EDIL3: variants seen among roughly 807,000 people sequenced by gnomAD.
The protein encoded by EDIL3 is EGF-like repeat and discoidin I-like domain-containing protein 3.
Under a neutral mutation model 67.4 loss-of-function variants are expected in EDIL3, and 37 were observed. The observed-to-expected ratio is 0.55, with a 90% CI of 0.42 to 0.72. The LOEUF is 0.72. EDIL3 is among the 30% of genes least tolerant of loss of function. EDIL3 has a pLI of 0.00. For synonymous variants in EDIL3, 195 were observed against 196.3 expected (o/e 0.99, Z 0.05); for missense variants, 527 against 586.3 (o/e 0.90, Z 1.04).
intron 3 of EDIL3, among the ~76,000 whole-genome samples, chr5:84,189,723 A>G (rs928992920): frequency 2.6e-5 from 4 of 152,020 alleles, no homozygotes; most frequent in African/African-American, 7.2e-5. Flanking sequence ...AGAGAACTCT[A>G]TATCAATACT....
chr5:84,040,611 A>G (rs1746103328), intron 9 of EDIL3, among the ~76,000 whole-genome samples: 1 of 151,726 alleles, frequency 6.6e-6, no homozygotes, highest in East Asian at 1.9e-4. Context: ...CTATATATGG[A>G]TGTTTAATAC....
At chr5:84,079,046 A>C (rs900463711) in intron 6 of EDIL3, among the ~76,000 whole-genome samples, 2 of 152,146 alleles carry the variant, frequency 1.3e-5, no homozygotes, top group Admixed American at 1.3e-4. Flanking sequence ...TGATTTCATC[A>C]ATCAGGCCTA....
intron 3 of EDIL3, among the ~76,000 whole-genome samples, chr5:84,208,401 C>G (rs1034965804): frequency 6.6e-6 from 1 of 151,962 alleles, no homozygotes; most frequent in Non-Finnish European, 1.5e-5. Context: ...GGAAACAGGC[C>G]AGGCGCGGTG....
intron 9 of EDIL3, among the ~76,000 whole-genome samples, chr5:84,041,135 TA>T (rs36023168): frequency 0.38 from 54,611 of 143,654 alleles, 11,216 homozygotes; most frequent in African/African-American, 0.58. Flanking sequence ...TGTCTCAAAA[TA>T]AAAAAAAAAA....
intron 2 of EDIL3, 88 bp from the exon 3 acceptor site, chr5:84,229,972 T>C (rs1452168862): frequency 2.5e-6 from 3 of 1,204,838 alleles, no homozygotes; most frequent in Non-Finnish European, 3.6e-6. Flanking sequence ...GAAAAAGAGA[T>C]ATTGAGATTG....
chr5:83,954,847 T>C (rs923879148), intron 10 of EDIL3, among the ~76,000 whole-genome samples: 1 of 151,826 alleles, frequency 6.6e-6, no homozygotes, highest in African/African-American at 2.4e-5. Context: ...GTTTTTTCTA[T>C]TCAAAATGCT....
At chr5:84,296,953 C>G (rs777248071) in intron 1 of EDIL3, among the ~76,000 whole-genome samples, 1 of 152,036 alleles carries the variant, frequency 6.6e-6, no homozygotes, top group South Asian at 2.1e-4. Flanking sequence ...GAGGCTGAGA[C>G]GGGCGGATCA....
chr5:84,168,871 CA>C (rs1162476164), intron 4 of EDIL3, among the ~76,000 whole-genome samples: 2 of 152,116 alleles, frequency 1.3e-5, no homozygotes, highest in Non-Finnish European at 2.9e-5. Context: ...GTCCACCTTC[CA>C]AAAGTGTGCT....
chr5:84,151,219 TA>T (rs1424810330), intron 4 of EDIL3, among the ~76,000 whole-genome samples: 2 of 151,780 alleles, frequency 1.3e-5, no homozygotes, highest in Non-Finnish European at 2.9e-5. Context: ...ATAATCCACA[TA>T]TTTTTTGTCT....
At chr5:83,964,615 C>A (rs1744659524) in intron 9 of EDIL3, among the ~76,000 whole-genome samples, 2 of 151,890 alleles carry the variant, frequency 1.3e-5, no homozygotes, top group Admixed American at 1.3e-4. Flanking sequence ...ACACAGATGC[C>A]CATCAGCAAA....
chr5:84,022,445 G>A (rs1745734555), intron 9 of EDIL3, among the ~76,000 whole-genome samples: 1 of 151,868 alleles, frequency 6.6e-6, no homozygotes, highest in African/African-American at 2.4e-5. Flanking sequence ...ATATGATTAA[G>A]CCACAGCTAC....
chr5:84,134,975 T>C (rs1015970348), intron 5 of EDIL3, among the ~76,000 whole-genome samples: 6 of 152,272 alleles, frequency 3.9e-5, no homozygotes, highest in African/African-American at 1.4e-4. Flanking sequence ...AAACACAACA[T>C]GAAAAACTGG....
chr5:84,063,021 A>G (rs1437993712), intron 8 of EDIL3, among the ~76,000 whole-genome samples: 1 of 152,146 alleles, frequency 6.6e-6, no homozygotes, highest in East Asian at 1.9e-4. Context: ...GTTCAAAATC[A>G]ATTTGCTGTG....
At chr5:84,317,928 C>CA (rs1249912232) in intron 1 of EDIL3, among the ~76,000 whole-genome samples, 167 of 152,212 alleles carry the variant, frequency 1.1e-3, no homozygotes, top group African/African-American at 3.7e-3. Context: ...CGTCTCAGCC[C>CA]AAAATCTCCT....
At position 84,081,898 on chromosome 5, in the gene EDIL3, A is replaced by G. The variant is rs187905529; in HGVS notation, c.652-15292T>C. ...GGACAAGAATCTCACCACAGGGTCCATATGAATGCTCTCCTTGGCATTTGC... is the reference window on the plus strand; with the variant it reads ...GGACAAGAATCTCACCACAGGGTCCGTATGAATGCTCTCCTTGGCATTTGC... On this transcript the variant is annotated intron_variant, in intron 6 of 10. Coordinates refer to ENST00000296591, the MANE Select transcript of EDIL3 (RefSeq NM_005711.5). Among the ~76,000 whole-genome samples the G allele has an allele frequency of 1.3e-3, 196 of 152,352 alleles. 1 individual carries two copies. Among genetic ancestry groups the G allele is most frequent in the Non-Finnish European group, 1.8e-4 (12 of 68,034 alleles).
At chr5:84,061,412 T>C (rs563751382) in intron 8 of EDIL3, among the ~76,000 whole-genome samples, 4 of 152,144 alleles carry the variant, frequency 2.6e-5, no homozygotes, top group Admixed American at 6.6e-5. Context: ...ATTTTTGTAA[T>C]AGAAAGCATG....
At chr5:84,103,664 T>C (rs1747408045) in intron 6 of EDIL3, among the ~76,000 whole-genome samples, 1 of 151,980 alleles carries the variant, frequency 6.6e-6, no homozygotes, top group African/African-American at 2.4e-5. Flanking sequence ...AAACCACAAT[T>C]AGATACCATC....
intron 6 of EDIL3, among the ~76,000 whole-genome samples, chr5:84,089,284 A>G (rs1326512562): frequency 6.6e-6 from 1 of 152,228 alleles, no homozygotes; most frequent in African/African-American, 2.4e-5. Flanking sequence ...TTTCCAACTC[A>G]ATGCTATACA....
chr5:83,987,503 T>A (rs1002707126), intron 9 of EDIL3, among the ~76,000 whole-genome samples: 8 of 152,140 alleles, frequency 5.3e-5, no homozygotes, highest in Admixed American at 3.9e-4. Flanking sequence ...TAGCCAATTT[T>A]TCACCAGCAG....
Sources: gnomAD v4.1 joint callset for allele counts (sites outside exome capture counted in the v4.1 genomes callset) on GRCh38, gnomAD v4.1.1 for gene constraint, MANE v1.5 for transcripts, NCBI Gene and HGNC (gene_info 2026-07-23, HGNC 2026-07-21) for gene names.